KCNIP1: variants seen among roughly 807,000 people sequenced by gnomAD.
KCNIP1 encodes the protein A-type potassium channel modulatory protein KCNIP1.
Under a neutral mutation model 33.0 loss-of-function variants are expected in KCNIP1, and 18 were observed. The observed-to-expected ratio is 0.55, with a 90% CI of 0.38 to 0.81. The LOEUF is 0.81. Among genes scored for constraint, KCNIP1 ranks in the 30% least tolerant of loss-of-function variants. The probability of loss-of-function intolerance (pLI) is 0.00; values close to 1 mark genes in which losing one functional copy is unlikely to be tolerated. For missense variants in KCNIP1, 238 were observed against 271.6 expected, an observed-to-expected ratio of 0.88 and a Z score of 0.87; for synonymous variants, 93 against 98.3, an observed-to-expected ratio of 0.95 and a Z score of 0.32.
At chr5:170,517,489 G>T (rs1755169982) in intron 1 of KCNIP1, among the ~76,000 whole-genome samples, 1 of 151,290 alleles carries the variant, frequency 6.6e-6, no homozygotes, top group Non-Finnish European at 1.5e-5. Flanking sequence ...TGGCAATAAT[G>T]ATGATGATGA....
At chr5:170,612,984 T>C (rs774555928) in intron 1 of KCNIP1, among the ~76,000 whole-genome samples, 11 of 152,120 alleles carry the variant, frequency 7.2e-5, no homozygotes, top group Non-Finnish European at 1.6e-4. Flanking sequence ...TAAGTCCTGG[T>C]CCCATCCGCT....
At chr5:170,391,024 C>T (rs1421964519) in intron 1 of KCNIP1, among the ~76,000 whole-genome samples, 1 of 152,180 alleles carries the variant, frequency 6.6e-6, no homozygotes, top group African/African-American at 2.4e-5. Flanking sequence ...TAACAGGAGA[C>T]TACAGTGTCT....
chr5:170,405,787 G>A (rs1755023688), intron 1 of KCNIP1, among the ~76,000 whole-genome samples: 2 of 152,146 alleles, frequency 1.3e-5, no homozygotes, highest in Admixed American at 6.6e-5. Flanking sequence ...CCTGCACCCT[G>A]AGCTGGGGAG....
intron 5 of KCNIP1, among the ~76,000 whole-genome samples, chr5:170,732,319 G>A (rs983290630): frequency 6.6e-6 from 1 of 151,130 alleles, no homozygotes; most frequent in South Asian, 2.1e-4. Context: ...GTGGACTTGA[G>A]AACTGATCTT....
intron 1 of KCNIP1, among the ~76,000 whole-genome samples, chr5:170,449,977 A>T (rs927820680): frequency 1.3e-5 from 2 of 152,322 alleles, no homozygotes; most frequent in South Asian, 4.1e-4. Flanking sequence ...GGCTGAAGGC[A>T]GCTGAATTTT....
intron 1 of KCNIP1, among the ~76,000 whole-genome samples, chr5:170,459,557 T>G (rs1013912156): frequency 1.3e-5 from 2 of 152,076 alleles, no homozygotes; most frequent in African/African-American, 4.8e-5. Flanking sequence ...ATCATGCAAA[T>G]ACATGGAAAT....
At chr5:170,703,440 T>G (rs982487104) in intron 1 of KCNIP1, among the ~76,000 whole-genome samples, 5 of 137,774 alleles carry the variant, frequency 3.6e-5, no homozygotes, top group African/African-American at 1.3e-4. Flanking sequence ...AAGTTCATAT[T>G]TTTATGTGAA....
intron 1 of KCNIP1, among the ~76,000 whole-genome samples, chr5:170,516,532 G>T (rs1013723678): frequency 1.4e-4 from 21 of 152,184 alleles, no homozygotes; most frequent in Non-Finnish European, 2.6e-4. Context: ...AATTCATGCG[G>T]CAGAGAAACT....
rs1457016088 is a variant in KCNIP1 at position 170,427,457 on chromosome 5, TGAGATAGGCACAGAAAGGGGAAGC to T, written c.88+73496_88+73519del. On this transcript the variant is annotated intron_variant, in intron 1 of 7. Coordinates refer to the KCNIP1 transcript ENST00000377360. The stretch of plus-strand genomic sequence containing the variant: ...GCGGGCATTCTTATTTCCCCAGTTT[TGAGATAGGCACAGAAAGGGGAAGC>T]GACTTCCCAGGTTCACATTGCCAGT... Among the ~76,000 whole-genome samples, 5 of 152,286 alleles carry T rather than the reference TGAGATAGGCACAGAAAGGGGAAGC, an allele frequency of 3.3e-5. No individual in the cohort carries two copies. The East Asian group carries it at 9.6e-4, about 29-fold the overall frequency.
chr5:170,685,205 G>A (rs1762501081), intron 1 of KCNIP1, among the ~76,000 whole-genome samples: 2 of 151,732 alleles, frequency 1.3e-5, no homozygotes, highest in Non-Finnish European at 2.9e-5. Context: ...ATCCTCCAAT[G>A]AGCAGAACAC....
intron 1 of KCNIP1, among the ~76,000 whole-genome samples, chr5:170,705,922 T>C (rs911081969): frequency 2.0e-5 from 3 of 152,200 alleles, no homozygotes; most frequent in African/African-American, 7.2e-5. Flanking sequence ...ACTATGCATG[T>C]AGAGCATCTT....
chr5:170,432,437 A>G (rs1010515218), intron 1 of KCNIP1, among the ~76,000 whole-genome samples: 14 of 152,248 alleles, frequency 9.2e-5, no homozygotes, highest in African/African-American at 2.9e-4. Context: ...GATTATTAAA[A>G]AGACAGGCCA....
chr5:170,598,398 C>A (rs1469727535), intron 1 of KCNIP1, among the ~76,000 whole-genome samples: 1 of 152,128 alleles, frequency 6.6e-6, no homozygotes, highest in Non-Finnish European at 1.5e-5. Context: ...TGGTGAATGC[C>A]CACCTTGAGC....
intron 1 of KCNIP1, among the ~76,000 whole-genome samples, chr5:170,555,896 G>A (rs1364032480): frequency 2.0e-5 from 3 of 152,176 alleles, no homozygotes; most frequent in Non-Finnish European, 2.9e-5. Flanking sequence ...GTAATGAGAG[G>A]AAATTGCCAA....
chr5:170,615,138 C>T (rs536982505), intron 1 of KCNIP1, among the ~76,000 whole-genome samples: 4 of 152,202 alleles, frequency 2.6e-5, no homozygotes, highest in Non-Finnish European at 2.9e-5. Flanking sequence ...TCACTTGAAC[C>T]CGGGAGGTGG....
chr5:170,478,750 C>G (rs1300147897), intron 1 of KCNIP1, among the ~76,000 whole-genome samples: 1 of 152,162 alleles, frequency 6.6e-6, no homozygotes, highest in Admixed American at 6.5e-5. Context: ...GAAAAGGTTT[C>G]TCATGAAGCA....
chr5:170,484,506 C>T (rs1757043046), intron 1 of KCNIP1, among the ~76,000 whole-genome samples: 1 of 152,072 alleles, frequency 6.6e-6, no homozygotes, highest in South Asian at 2.1e-4. Context: ...CCTCTGGCAT[C>T]CTCTCTCCCT....
At chr5:170,693,330 A>G (rs917133901) in intron 1 of KCNIP1, among the ~76,000 whole-genome samples, 3 of 152,178 alleles carry the variant, frequency 2.0e-5, no homozygotes, top group Admixed American at 6.5e-5. Context: ...GCCCCCACTC[A>G]GTCTACCAGT....
chr5:170,483,588 C>T (rs1253263111), intron 1 of KCNIP1, among the ~76,000 whole-genome samples: 5 of 152,210 alleles, frequency 3.3e-5, no homozygotes, highest in African/African-American at 4.8e-5. Context: ...GACAACTCTA[C>T]AATCAGTCAC....
Sources: gnomAD v4.1 joint callset for allele counts (sites outside exome capture counted in the v4.1 genomes callset) on GRCh38, gnomAD v4.1.1 for gene constraint, MANE v1.5 for transcripts, NCBI Gene and HGNC (gene_info 2026-07-23, HGNC 2026-07-21) for gene names.